FIRRM: variants seen among roughly 807,000 people sequenced by gnomAD.
FIRRM encodes FIGNL1 interacting regulator of recombination and mitosis.
At chr1:169,850,355 T>A in the FIRRM span, 5 of 1,569,706 alleles carry the variant, frequency 3.2e-6, no homozygotes, top group Admixed American at 6.9e-5. Context: ...GGTACTTTCT[T>A]TACATGGCTC....
the FIRRM span, chr1:169,830,459 C>A: frequency 3.0e-6 from 3 of 1,013,882 alleles, no homozygotes; most frequent in African/African-American, 1.6e-5. Context: ...AAAAATAATT[C>A]CCAAAACGCT....
the FIRRM span, chr1:169,851,499 A>G: frequency 4.8e-3 from 1,072 of 225,246 alleles, 12 homozygotes; most frequent in African/African-American, 0.023. Context: ...CACTTGGCCT[A>G]CTTATATTAC....
the FIRRM span, chr1:169,853,331 G>A: frequency 3.0e-6 from 1 of 328,038 alleles, no homozygotes; most frequent in Non-Finnish European, 5.5e-6. Context: ...TTTCATAATA[G>A]AGCTTACTCT....
At chr1:169,841,174 T>C in the FIRRM span, among the ~76,000 whole-genome samples, 1 of 152,216 alleles carries the variant, frequency 6.6e-6, no homozygotes, top group Non-Finnish European at 1.5e-5. Flanking sequence ...TGTTGGATTT[T>C]ATCAAAAGCT....
At chr1:169,803,122 G>A in the FIRRM span, 1,551 of 1,585,624 alleles carry the variant, frequency 9.8e-4, 2 homozygotes, top group Middle Eastern at 2.7e-3. Flanking sequence ...TACCTTTTCA[G>A]TGCACAAAAA....
the FIRRM span, chr1:169,853,641 C>T: frequency 6.5e-7 from 1 of 1,537,942 alleles, no homozygotes; most frequent in South Asian, 1.1e-5. Flanking sequence ...TGTCCCAAAG[C>T]CTGCTTTTGA....
At chr1:169,802,769 A>G in the FIRRM span, 2 of 1,228,404 alleles carry the variant, frequency 1.6e-6, no homozygotes, top group Non-Finnish European at 2.4e-6. Context: ...GGGAGCTTAA[A>G]GAATGTCAAA....
At chr1:169,819,607 T>TG in the FIRRM span, among the ~76,000 whole-genome samples, 1 of 152,214 alleles carries the variant, frequency 6.6e-6, no homozygotes, top group African/African-American at 2.4e-5. Context: ...TGTTTTCCGA[T>TG]GGAGTCCCAG....
chr1:169,833,841 CTT>C, the FIRRM span, among the ~76,000 whole-genome samples: 2 of 126,204 alleles, frequency 1.6e-5, no homozygotes, highest in Non-Finnish European at 3.2e-5. Flanking sequence ...AAGAAAGTCA[CTT>C]TCCTTTTTTT....
At chr1:169,826,551 C>T in the FIRRM span, among the ~76,000 whole-genome samples, 11 of 150,886 alleles carry the variant, frequency 7.3e-5, no homozygotes, top group Non-Finnish European at 1.5e-4. Context: ...TTAGTAGAGA[C>T]GGGGTTTCAC....
At chr1:169,852,879 T>C in the FIRRM span, 5 of 1,614,164 alleles carry the variant, frequency 3.1e-6, no homozygotes, top group Non-Finnish European at 4.2e-6. Context: ...TGGAAGCAAC[T>C]GAGTCACTAC....
At chr1:169,786,713 C>G in the FIRRM span, among the ~76,000 whole-genome samples, 1 of 152,160 alleles carries the variant, frequency 6.6e-6, no homozygotes, top group South Asian at 2.1e-4. Context: ...ACATTTTAGA[C>G]ACACAGAAAG....
chr1:169,817,774 A>G, the FIRRM span, among the ~76,000 whole-genome samples: 2 of 152,176 alleles, frequency 1.3e-5, no homozygotes, highest in Non-Finnish European at 2.9e-5. Context: ...TATAAAATCT[A>G]ATTTTAATCA....
the FIRRM span, chr1:169,851,822 G>C: frequency 6.2e-7 from 1 of 1,613,854 alleles, no homozygotes; most frequent in Non-Finnish European, 8.5e-7. Flanking sequence ...GGCAGACTGG[G>C]TTTGTAGATG....
chr1:169,796,754 C>G, the FIRRM span, among the ~76,000 whole-genome samples: 1 of 152,212 alleles, frequency 6.6e-6, no homozygotes, highest in Non-Finnish European at 1.5e-5. Flanking sequence ...GTGATCTAAG[C>G]CTTGCCCTTC....
the FIRRM span, among the ~76,000 whole-genome samples, chr1:169,816,142 A>G: frequency 6.6e-6 from 1 of 152,248 alleles, no homozygotes; most frequent in Non-Finnish European, 1.5e-5. Context: ...TATATTCTAC[A>G]ACAGTAAAGC....
At chr1:169,854,051 TAAAA>T in the FIRRM span, 1 of 566,168 alleles carries the variant, frequency 1.8e-6, no homozygotes, top group Non-Finnish European at 3.0e-6. Flanking sequence ...CTTTTTCAAA[TAAAA>T]AGGTTACAAT....
At chr1:169,840,879 T>G in the FIRRM span, among the ~76,000 whole-genome samples, 1 of 152,192 alleles carries the variant, frequency 6.6e-6, no homozygotes, top group South Asian at 2.1e-4. Context: ...TTTTGTACAT[T>G]GATTTTGTAT....
chr1:169,801,405 A>G, the FIRRM span, among the ~76,000 whole-genome samples: 187 of 139,522 alleles, frequency 1.3e-3, no homozygotes, highest in African/African-American at 4.7e-3. Context: ...AGATCGTGCC[A>G]TTGCACTCCA....
Sources: gnomAD v4.1 joint callset for allele counts (sites outside exome capture counted in the v4.1 genomes callset) on GRCh38, gnomAD v4.1.1 for gene constraint, MANE v1.5 for transcripts, NCBI Gene and HGNC (gene_info 2026-07-23, HGNC 2026-07-21) for gene names.